ALDH3B1: variants seen among roughly 807,000 people sequenced by gnomAD.
The protein encoded by ALDH3B1 is aldehyde dehydrogenase family 3 member B1.
ALDH3B1 carries 37 observed loss-of-function variants against 46.2 expected under a neutral mutation model. The ratio of observed to expected loss-of-function variants is 0.80; its 90% CI spans 0.62 to 1.05. The LOEUF (loss-of-function observed/expected upper bound fraction) is 1.05, where lower values mean the gene tolerates loss of function less well. Ranked by LOEUF, ALDH3B1 falls within the 50% of genes least tolerant of loss-of-function variation. The probability of loss-of-function intolerance (pLI) is 0.00; values close to 1 mark genes in which losing one functional copy is unlikely to be tolerated. For missense variants in ALDH3B1, 603 were observed against 665.5 expected, an observed-to-expected ratio of 0.91 and a Z score of 1.03; for synonymous variants, 283 against 281.0, an observed-to-expected ratio of 1.01 and a Z score of -0.07.
rs778359310 is a variant in ALDH3B1 at position 68,022,602 on chromosome 11, G to C, written c.957G>C (p.Thr319=). Residue 319 remains threonine (T), a synonymous_variant, in exon 8 of 10, where the codon ACG becomes ACC. Transcript: ENST00000342456. ...SDESDRYIAP[T]VLVDVQEMEP... ...TGTCTCTGGTGCCTGCAGCCCCCAC[G>C]GTGCTGGTGGATGTGCAGGAGATGG... 1.4e-5 allele frequency: 22 copies of C among 1,613,486 alleles called. No individual in the cohort carries two copies. The highest frequency in any genetic ancestry group is 1.3e-4 in the Admixed American group (8 of 59,998).
rs773705334 is a variant in ALDH3B1 at position 68,015,373 on chromosome 11, C to T, written c.76C>T (p.Arg26Trp). The change falls in exon 2 of 10, where the codon CGG becomes TGG. Residue 26 changes from arginine to tryptophan, a missense_variant. Transcript: ENST00000342456. ...GGGGCGCACGCGGCCAGCTGAGTTC[C>T]GGGCTGCGCAGCTCCAAGGCCTGGG... The part of the protein sequence containing the change: ...HAGRTRPAEF[R>W]AAQLQGLGRF... 2.2e-4 allele frequency: 342 copies of T among 1,550,272 alleles called. 1 individual carries two copies. Among genetic ancestry groups the T allele is most frequent in the Non-Finnish European group, 2.6e-4 (298 of 1,146,680 alleles).
intron 2 of ALDH3B1, chr11:68,017,809 A>ATT (rs1201722109): frequency 6.6e-6 from 1 of 152,136 alleles, no homozygotes; most frequent in African/African-American, 2.4e-5. Flanking sequence ...TGAGGCCAGG[A>ATT]GTTCAAGACC....
At chr11:68,010,609 A>AC (rs568304835) in intron 1 of ALDH3B1, among the ~76,000 whole-genome samples, 1 of 151,472 alleles carries the variant, frequency 6.6e-6, no homozygotes, top group Non-Finnish European at 1.5e-5. Flanking sequence ...GGTCCCGGGC[A>AC]CCCCCCTGGC....
In ALDH3B1 at chr11:68,018,605, T is replaced by G. The variant is rs776851485; in HGVS notation, c.241T>G (p.Trp81Gly). Residue 81 changes from tryptophan (W) to glycine (G), a missense_variant, in exon 3 of 10, where the codon TGG becomes GGG. Transcript: ENST00000342456. ...CCTGGCCCTCAGGAACCTCCGGGCC[T>G]GGATGAAGGACGAGCGTGTGCCCAA... is the stretch of plus-strand genomic sequence containing the variant. ...VTLALRNLRA[W>G]MKDERVPKNL... 1.3e-6 allele frequency: 2 copies of G among 1,581,730 alleles called. No homozygotes were observed. The highest frequency in any genetic ancestry group is 2.3e-5 in the South Asian group (2 of 86,278).
intron 9 of ALDH3B1, 89 bp downstream of exon 9, chr11:68,026,197 C>A: frequency 8.6e-7 from 1 of 1,161,936 alleles, no homozygotes; most frequent in Admixed American, 2.6e-5. Flanking sequence ...GCACCCCAGC[C>A]CCACCTCAAT....
intron 2 of ALDH3B1, chr11:68,016,776 TC>T: frequency 6.6e-6 from 1 of 152,248 alleles, no homozygotes; most frequent in Non-Finnish European, 1.5e-5. Context: ...GGGGACTGAC[TC>T]CCCCGCCACC....
chr11:68,019,655 G>T, intron 5 of ALDH3B1, 60 bp from the exon 6 acceptor site: 2 of 1,576,548 alleles, frequency 1.3e-6, no homozygotes, highest in Non-Finnish European at 1.7e-6. Flanking sequence ...AGGGCGGGCT[G>T]CTCCCTTGTG....
At chr11:68,009,990 C>A (rs1857196594), upstream of ALDH3B1, among the ~76,000 whole-genome samples, 1 of 152,170 alleles carries the variant, frequency 6.6e-6, no homozygotes, top group African/African-American at 2.4e-5. Context: ...AATAATAGTT[C>A]CCCACCCCAC....
intron 4 of ALDH3B1, 35 bp downstream of exon 4, chr11:68,018,928 C>T (rs1255716047): frequency 6.5e-7 from 1 of 1,541,624 alleles, no homozygotes; most frequent in East Asian, 2.4e-5. Context: ...GGTCACCCTT[C>T]TCCGCTCGAG....
At chr11:68,026,635 GCCTCAGAGATGGT>G (rs1450599014) in intron 9 of ALDH3B1, among the ~76,000 whole-genome samples, 1 of 152,118 alleles carries the variant, frequency 6.6e-6, no homozygotes, top group Non-Finnish European at 1.5e-5. Flanking sequence ...GAGTCAGGAA[GCCTCAGAGATGGT>G]CCTAGCAACA....
rs77192555 is a variant in ALDH3B1 at position 68,019,670 on chromosome 11, C to T, written c.481-45C>T. 3.4e-4 allele frequency: 548 copies of T among 1,599,312 alleles called. 2 individuals are homozygous for T. Among genetic ancestry groups the T allele is most frequent in the Middle Eastern group, 2.8e-3 (16 of 5,738 alleles). ...AGGGCGGGCTGCTCCCTTGTGTTCT[C>T]GGAGCTGGGGTCCCAGAAGGAGCCT... On this transcript the variant is annotated intron_variant, in intron 5 of 9. Transcript: ENST00000342456.
Position 68,027,999 on chromosome 11 carries a change from G to A in ALDH3B1, c.*60G>A. Reference sequence around the variant, plus strand: ...ACAGCTGTCGCCTGCGGCTGGTGGAGACGGGGCCTGGGCTCCCGGGCCCGA... The same window carrying A: ...ACAGCTGTCGCCTGCGGCTGGTGGAAACGGGGCCTGGGCTCCCGGGCCCGA... On this transcript the variant is annotated 3_prime_UTR_variant, in exon 10 of 10. Coordinates refer to ENST00000342456, the MANE Select transcript of ALDH3B1 (RefSeq NM_000694.4). 2 of 1,563,274 alleles carry A rather than the reference G, an allele frequency of 1.3e-6. No individual in the cohort carries two copies. Among genetic ancestry groups the A allele is most frequent in the African/African-American group, 1.4e-5 (1 of 74,072 alleles).
chr11:68,009,501 C>T (rs1857189327), upstream of ALDH3B1, among the ~76,000 whole-genome samples: 1 of 152,218 alleles, frequency 6.6e-6, no homozygotes, highest in African/African-American at 2.4e-5. Context: ...GAGCCGAGCT[C>T]CCTGAAAAAG....
chr11:68,019,898 CT>C, intron 6 of ALDH3B1, 102 bp downstream of exon 6: 2 of 429,672 alleles, frequency 4.7e-6, no homozygotes, highest in Non-Finnish European at 7.1e-6. Context: ...CTGAATTCTC[CT>C]CTCTCTCTCT....
rs918501043 is a variant in ALDH3B1 at position 68,019,752 on chromosome 11, C to T, written c.518C>T (p.Thr173Met). The T allele has an allele frequency of 2.5e-5, 40 of 1,613,996 alleles. No homozygotes were observed. The South Asian group carries it at 3.1e-4, about 12-fold the overall frequency. ...GTGGTGCTGGGCGGGCCCCAGGAGACGGGGCAGCTGCTAGAGCACAGGTTC... is the reference window on the plus strand; with the variant it reads ...GTGGTGCTGGGCGGGCCCCAGGAGATGGGGCAGCTGCTAGAGCACAGGTTC... ...FAVVLGGPQE[T>M]GQLLEHRFDY... Residue 173 changes from threonine to methionine, a missense_variant, in exon 6 of 10, where the codon ACG becomes ATG. Coordinates refer to ENST00000342456, the MANE Select transcript of ALDH3B1 (RefSeq NM_000694.4).
At chr11:68,018,716 G>C (rs1320700259) in intron 3 of ALDH3B1, 57 bp from the exon 4 acceptor site, 2 of 1,548,806 alleles carry the variant, frequency 1.3e-6, no homozygotes, top group Non-Finnish European at 1.7e-6. Context: ...GGTGGGAGCT[G>C]GCTGCTGAGG....
rs536699902 is a variant in ALDH3B1, at chr11:68,028,137, A to C, written c.*198A>C. 1.6e-5 allele frequency: 13 copies of C among 793,828 alleles called. No homozygotes were observed. Among genetic ancestry groups the C allele is most frequent in the Non-Finnish European group, 2.4e-5 (11 of 450,958 alleles). 49.2% of individuals were successfully genotyped at this position (793,828 alleles called of 1,614,324 possible). A position where few individuals can be genotyped will look rare whatever the true frequency, so the allele number is the denominator to read the frequency against. ...CCTCCTCCCTCAGCCGCTCCCAACC[A>C]TGAGAGCCGAGGTGGGAGGCATGGG... On this transcript the variant is annotated 3_prime_UTR_variant, in exon 10 of 10. Transcript: ENST00000342456.
At chr11:68,018,929 T>C (rs4244839) in intron 4 of ALDH3B1, 36 bp downstream of exon 4, 354,607 of 1,539,482 alleles carry the variant, frequency 0.23, 42,852 homozygotes, top group African/African-American at 0.38. Flanking sequence ...GTCACCCTTC[T>C]CCGCTCGAGG....
At chr11:68,019,877 C>A in intron 6 of ALDH3B1, 81 bp downstream of exon 6, 1 of 1,410,996 alleles carries the variant, frequency 7.1e-7, no homozygotes, top group Non-Finnish European at 9.9e-7. Context: ...CTCTGGGAGT[C>A]CACAGGGAGA....
Sources: gnomAD v4.1 joint callset for allele counts (sites outside exome capture counted in the v4.1 genomes callset) on GRCh38, gnomAD v4.1.1 for gene constraint, MANE v1.5 for transcripts, NCBI Gene and HGNC (gene_info 2026-07-23, HGNC 2026-07-21) for gene names.